The following RYR1 variants were observed in gnomAD, a reference collection of about 807,000 sequenced individuals.
The protein encoded by RYR1 is ryanodine receptor 1.
Under a neutral mutation model 583.5 loss-of-function variants are expected in RYR1, and 342 were observed. The ratio of observed to expected loss-of-function variants is 0.59; its 90% CI spans 0.54 to 0.64. RYR1 has a LOEUF of 0.64. RYR1 is among the 30% of genes least tolerant of loss of function. RYR1 has a pLI of 0.00. For missense variants in RYR1, 6,032 were observed against 6,917.2 expected (o/e 0.87, Z 4.54); for synonymous variants, 2,791 against 2,822.5 (o/e 0.99, Z 0.35).
chr19:38,583,940 C>T (rs1308424419), intron 101 of RYR1, among the ~76,000 whole-genome samples: 1 of 152,060 alleles, frequency 6.6e-6, no homozygotes, highest in Non-Finnish European at 1.5e-5. Context: ...TATTTTCCAG[C>T]CTCACCCAAC....
intron 84 of RYR1, among the ~76,000 whole-genome samples, chr19:38,541,913 T>C (rs1020791130): frequency 6.6e-6 from 1 of 150,532 alleles, no homozygotes; most frequent in East Asian, 2.0e-4. Context: ...AACAAAAAAA[T>C]TAAAAATTGG....
intron 65 of RYR1, among the ~76,000 whole-genome samples, chr19:38,516,595 T>C (rs767741930): frequency 6.6e-6 from 1 of 152,128 alleles, no homozygotes; most frequent in African/African-American, 2.4e-5. Context: ...CAAAACCCCA[T>C]CCATGGAATT....
In RYR1 at chr19:38,469,018, G is replaced by A; in HGVS notation, c.3434G>A (p.Gly1145Asp). 1.2e-6 allele frequency: 2 copies of A among 1,614,182 alleles called. No homozygotes were observed. Among genetic ancestry groups the A allele is most frequent in the East Asian group, 4.5e-5 (2 of 44,884 alleles). ...SEPFGRPWQP[G>D]DVVGCMIDLT... ...CCATTTGGGCGCCCCTGGCAGCCGGGCGATGTCGTTGGCTGTATGATCGAC... is the reference window on the plus strand; with the variant it reads ...CCATTTGGGCGCCCCTGGCAGCCGGACGATGTCGTTGGCTGTATGATCGAC... Residue 1145 changes from glycine to aspartate, a missense_variant, in exon 26 of 106, where the codon GGC becomes GAC. Gly to Asp is a moderately conservative substitution (Grantham distance 94). Transcript: ENST00000359596.
intron 38 of RYR1, among the ~76,000 whole-genome samples, chr19:38,492,977 G>A (rs545066968): frequency 8.7e-4 from 133 of 152,230 alleles, no homozygotes; most frequent in African/African-American, 3.0e-3. Context: ...ACTGAGGCAC[G>A]AGAATTGCTT....
intron 8 of RYR1, 43 bp downstream of exon 8, chr19:38,446,608 G>C: frequency 6.2e-7 from 1 of 1,601,228 alleles, no homozygotes; most frequent in South Asian, 1.1e-5. Context: ...AGGGGTGGAC[G>C]TGGAGGGCTG....
At chr19:38,583,943 C>T (rs1357083345) in intron 101 of RYR1, among the ~76,000 whole-genome samples, 2 of 152,036 alleles carry the variant, frequency 1.3e-5, no homozygotes, top group Non-Finnish European at 2.9e-5. Flanking sequence ...TTTCCAGCCT[C>T]ACCCAACCAT....
chr19:38,527,920 T>A, intron 73 of RYR1, 136 bp downstream of exon 73: 2 of 966,556 alleles, frequency 2.1e-6, no homozygotes, highest in Non-Finnish European at 3.0e-6. Flanking sequence ...GCCTCGAGTT[T>A]AAGGCGAGGC....
chr19:38,454,506 A>T (rs1450340482), intron 13 of RYR1, among the ~76,000 whole-genome samples: 1 of 152,214 alleles, frequency 6.6e-6, no homozygotes, highest in Non-Finnish European at 1.5e-5. Context: ...TTGGCTGTGA[A>T]TTTAATGTTA....
At chr19:38,566,026 G>A (rs1348736765) in intron 91 of RYR1, among the ~76,000 whole-genome samples, 1 of 151,986 alleles carries the variant, frequency 6.6e-6, no homozygotes, top group Non-Finnish European at 1.5e-5. Flanking sequence ...GAAAGGGCCG[G>A]GGAGAGAGAG....
chr19:38,492,398 A>G (rs1040121640), intron 37 of RYR1, 92 bp from the exon 38 acceptor site: 3 of 1,376,148 alleles, frequency 2.2e-6, no homozygotes, highest in African/African-American at 2.9e-5. Context: ...AACTCCATGC[A>G]TGCATGCACA....
Position 38,453,021 on chromosome 19 carries a change from A to T in RYR1, c.1440+7A>T, listed in dbSNP as rs1967164695. ...GAGCCTCTTCCAGGAGGAGGTGAGG[A>T]CGTGGCGAGGGCGGAGCGGGGCCTG... On this transcript the variant is annotated splice_region_variant and intron_variant, in intron 13 of 105. Coordinates refer to ENST00000359596, the MANE Select transcript of RYR1 (RefSeq NM_000540.3). 6.2e-7 allele frequency: 1 copy of T among 1,611,498 alleles called. No individual in the cohort carries two copies. Among genetic ancestry groups the T allele is most frequent in the East Asian group, 2.2e-5 (1 of 44,704 alleles).
Position 38,512,302 on chromosome 19 carries a change from G to A in RYR1, c.9291G>A (p.Glu3097=), listed in dbSNP as rs780451867. 1.9e-6 allele frequency: 3 copies of A among 1,614,144 alleles called. No homozygotes were observed. The highest frequency in any genetic ancestry group is 1.3e-5 in the African/African-American group (1 of 74,948). The change falls in exon 63 of 106, where the codon GAG becomes GAA. Residue 3097 remains glutamate, a synonymous_variant. Coordinates refer to ENST00000359596, the MANE Select transcript of RYR1 (RefSeq NM_000540.3). The surrounding 1 kb of genome is among the most constrained non-coding windows in gnomAD (Gnocchi z 5.1). ...IVKAGLRSFF[E]SASEDIEKMV... is the part of the protein sequence containing the mutation. Reference sequence around the variant, plus strand: ...AGGCTGGCCTCCGCTCCTTCTTCGAGAGTGCCTCGGAGGACATCGAGAAGA... The same window carrying A: ...AGGCTGGCCTCCGCTCCTTCTTCGAAAGTGCCTCGGAGGACATCGAGAAGA...
Position 38,455,144 on chromosome 19 carries a change from T to C in RYR1, c.1441-91T>C. On this transcript the variant is annotated intron_variant, in intron 13 of 105. Coordinates refer to ENST00000359596, the MANE Select transcript of RYR1 (RefSeq NM_000540.3). Reference sequence around the variant, plus strand: ...TCTGGGAACACACCGTCACTAGTTGTTGAAGGAATATGAATTCGTGAATCC... The same window carrying C: ...TCTGGGAACACACCGTCACTAGTTGCTGAAGGAATATGAATTCGTGAATCC... 8 of 1,456,974 alleles carry C rather than the reference T, an allele frequency of 5.5e-6. No homozygotes were observed. In the South Asian group the frequency reaches 8.0e-5, roughly 15 times the overall value. The allele number at this position is 1,456,974 out of a possible 1,614,324, so 90.3% of individuals were successfully genotyped here. A position where few individuals can be genotyped will look rare whatever the true frequency, so the allele number is the denominator to read the frequency against.
intron 33 of RYR1, among the ~76,000 whole-genome samples, chr19:38,484,182 C>G (rs1568482367): frequency 6.6e-6 from 1 of 152,046 alleles, no homozygotes; most frequent in Non-Finnish European, 1.5e-5. Context: ...GTCCCAGCTA[C>G]TCGGGAGGCT....
intron 27 of RYR1, among the ~76,000 whole-genome samples, chr19:38,470,404 C>T (rs1968361072): frequency 6.6e-6 from 1 of 150,664 alleles, no homozygotes; most frequent in Non-Finnish European, 1.5e-5. Flanking sequence ...CGACTGCACT[C>T]CAGCCTGAGT....
At chr19:38,511,919 G>A (rs993922678) in intron 61 of RYR1, among the ~76,000 whole-genome samples, 153 bp from the exon 62 acceptor site, 16 of 152,158 alleles carry the variant, frequency 1.1e-4, no homozygotes, top group Admixed American at 3.3e-4. Flanking sequence ...ATTTGGAGGC[G>A]CTGTAGGAGT....
At chr19:38,573,454 G>A (rs536856352) in intron 96 of RYR1, 147 bp downstream of exon 96, 22 of 1,025,514 alleles carry the variant, frequency 2.1e-5, no homozygotes, top group South Asian at 6.6e-5. Flanking sequence ...GGCTAAGGCG[G>A]GCGGATCACG....
rs2145544735 is a variant in RYR1, at chr19:38,486,045, G to A, written c.5390G>A (p.Arg1797His). The A allele has an allele frequency of 1.9e-6, 3 of 1,612,720 alleles. No individual in the cohort carries two copies. Among genetic ancestry groups the A allele is most frequent in the Non-Finnish European group, 2.5e-6 (3 of 1,179,514 alleles). The change falls in exon 34 of 106, where the codon CGC becomes CAC. Residue 1797 changes from arginine to histidine, a missense_variant. Arg to His is a conservative substitution (Grantham distance 29). This residue lies in a region of RYR1 where 2,627 missense variants were observed against 2,961.3 expected (regional missense o/e 0.89). Transcript: ENST00000359596. The part of the protein sequence containing the change: ...PAAGAAEAPA[R>H]LSPAIPLEAL... ...GCTGGGGCAGCAGAGGCCCCGGCCC[G>A]CCTCAGCCCTGCCATCCCGCTGGAG...
rs1041827913 is a variant in RYR1 at position 38,453,848 on chromosome 19, G to A, written c.1440+834G>A. Among the ~76,000 whole-genome samples the A allele has an allele frequency of 5.9e-5, 9 of 151,942 alleles. No homozygotes were observed. The South Asian group carries it at 1.9e-3, about 31-fold the overall frequency. ...AGTGGGAGGAAATGAGGGCAGAGAGGTGACGAGGGCCAGGCCTTGGTGAGG... is the reference window on the plus strand; with the variant it reads ...AGTGGGAGGAAATGAGGGCAGAGAGATGACGAGGGCCAGGCCTTGGTGAGG... On this transcript the variant is annotated intron_variant, in intron 13 of 105. Coordinates refer to ENST00000359596, the MANE Select transcript of RYR1 (RefSeq NM_000540.3).
Sources: allele counts gnomAD v4.1 joint callset (sites outside exome capture counted in the v4.1 genomes callset), GRCh38; gene constraint gnomAD v4.1.1; regional missense constraint gnomAD v4.1.1; non-coding constraint Gnocchi (gnomAD v3.1); transcripts MANE v1.5; gene names NCBI Gene and HGNC (gene_info 2026-07-23, HGNC 2026-07-21).